Variants in UBE3A observed in about 807,000 individuals in gnomAD.
The protein encoded by UBE3A is ubiquitin-protein ligase E3A.
A neutral mutation model predicts 83.4 loss-of-function variants in UBE3A; 6 were observed. The observed-to-expected ratio is 0.07, with a 90% CI of 0.04 to 0.14. The LOEUF (loss-of-function observed/expected upper bound fraction) is 0.14, where lower values mean the gene tolerates loss of function less well. Ranked by LOEUF, UBE3A falls within the 10% of genes least tolerant of loss-of-function variation. UBE3A has a pLI of 1.00. For synonymous variants in UBE3A, 337 were observed against 355.4 expected, an observed-to-expected ratio of 0.95 and a Z score of 0.58; for missense variants, 456 against 1,036.1, an observed-to-expected ratio of 0.44 and a Z score of 7.69.
intron 5 of UBE3A, chr15:25,375,224 T>A (rs1194199127): frequency 2.0e-6 from 1 of 497,462 alleles, no homozygotes; most frequent in Non-Finnish European, 3.5e-6. Context: ...CTAAGAATTT[T>A]AAAAAGTTCA....
chr15:25,382,490 G>C lies in UBE3A; in HGVS notation c.63-6727C>G, dbSNP rs141780664. Reference sequence around the variant, plus strand: ...CAGTGTCATATTTCACAGTTAGAAAGGAAGAAAAACCTTAAATCAACAAAT... The same window carrying C: ...CAGTGTCATATTTCACAGTTAGAAACGAAGAAAAACCTTAAATCAACAAAT... On this transcript the variant is annotated intron_variant, in intron 4 of 12. Coordinates refer to ENST00000648336, the MANE Select transcript of UBE3A (RefSeq NM_130839.5). 4.2e-3 allele frequency among the ~76,000 whole-genome samples: 627 copies of C among 150,960 alleles called. 2 individuals carry two copies. Among genetic ancestry groups the C allele is most frequent in the African/African-American group, 0.014 (594 of 41,168 alleles).
chr15:25,367,229 T>C (rs1290390831), intron 6 of UBE3A, among the ~76,000 whole-genome samples: 4 of 79,694 alleles, frequency 5.0e-5, no homozygotes, highest in Non-Finnish European at 9.4e-5. Context: ...ATTTACATAT[T>C]TGTAAATATG....
chr15:25,360,309 T>G, intron 7 of UBE3A, 74 bp downstream of exon 7: 2 of 1,595,702 alleles, frequency 1.3e-6, no homozygotes, highest in Non-Finnish European at 1.7e-6. Flanking sequence ...CTGAAAATAT[T>G]TACAAAGTAA....
In UBE3A at chr15:25,339,939, G is replaced by A. The variant is rs567939609; in HGVS notation, c.2498+146C>T. 3.6e-6 allele frequency: 4 copies of A among 1,118,494 alleles called. No homozygotes were observed. In the South Asian group the frequency reaches 5.6e-5, roughly 16 times the overall value. 69.3% of individuals were successfully genotyped at this position (1,118,494 alleles called of 1,614,324 possible). On this transcript the variant is annotated intron_variant, in intron 12 of 12. Coordinates refer to ENST00000648336, the MANE Select transcript of UBE3A (RefSeq NM_130839.5). ...AGTTTCCTCACACAATGACAGCAAAGTATTTTCTCAATTGTCTAATATGAT... is the reference window on the plus strand; with the variant it reads ...AGTTTCCTCACACAATGACAGCAAAATATTTTCTCAATTGTCTAATATGAT...
intron 4 of UBE3A, among the ~76,000 whole-genome samples, chr15:25,386,198 A>G (rs2152927197): frequency 6.6e-6 from 1 of 152,264 alleles, no homozygotes; most frequent in South Asian, 2.1e-4. Context: ...TAAGCTCACT[A>G]AAAAGACTGA....
chr15:25,393,062 GT>G (rs71418041), intron 4 of UBE3A, among the ~76,000 whole-genome samples: 18,079 of 152,070 alleles, frequency 0.12, 1,150 homozygotes, highest in Middle Eastern at 0.23. Context: ...TTTTAAGCAG[GT>G]TAAGTGACTG....
At chr15:25,359,943 G>A (rs991404826) in intron 7 of UBE3A, among the ~76,000 whole-genome samples, 6 of 152,112 alleles carry the variant, frequency 3.9e-5, no homozygotes, top group Non-Finnish European at 8.8e-5. Flanking sequence ...CCTAATTAAT[G>A]TGATATCAGC....
At chr15:25,372,370 T>C (rs1425055750) in intron 5 of UBE3A, among the ~76,000 whole-genome samples, 1 of 152,210 alleles carries the variant, frequency 6.6e-6, no homozygotes, top group South Asian at 2.1e-4. Context: ...CTGTGAGTGA[T>C]TGAGAAGAAT....
intron 4 of UBE3A, among the ~76,000 whole-genome samples, chr15:25,399,553 G>C (rs1162111975): frequency 6.6e-6 from 1 of 151,812 alleles, no homozygotes; most frequent in Non-Finnish European, 1.5e-5. Flanking sequence ...TTTGTGGGTC[G>C]ATGTGTCTGT....
chr15:25,342,055 CACA>C (rs1486386984), intron 11 of UBE3A, among the ~76,000 whole-genome samples: 22 of 152,058 alleles, frequency 1.4e-4, no homozygotes, highest in Non-Finnish European at 3.1e-4. Context: ...AAAAGAAACA[CACA>C]ACAACAGAAA....
chr15:25,395,560 G>GA (rs1285918558), intron 4 of UBE3A, among the ~76,000 whole-genome samples: 1 of 152,128 alleles, frequency 6.6e-6, no homozygotes, highest in African/African-American at 2.4e-5. Context: ...CACAGGAGGG[G>GA]AAAAAAGCTG....
chr15:25,417,939 C>G (rs1887751784), intron 1 of UBE3A: 1 of 151,512 alleles, frequency 6.6e-6, no homozygotes, highest in Non-Finnish European at 1.5e-5. Flanking sequence ...AAAACCCCAA[C>G]AACTCTCAGC....
chr15:25,385,193 TAC>T (rs2082895596), intron 4 of UBE3A, among the ~76,000 whole-genome samples: 2 of 152,232 alleles, frequency 1.3e-5, no homozygotes, highest in Admixed American at 1.3e-4. Flanking sequence ...AATATTTCTA[TAC>T]CATGTATCTG....
At position 25,396,294 on chromosome 15, in the gene UBE3A, C is replaced by T. The variant is rs144833404; in HGVS notation, c.62+9167G>A. On this transcript the variant is annotated intron_variant, in intron 4 of 12. Transcript: ENST00000648336. ...ATACATACAAAGAGATTCTACAACACGGTATTTATAAATTTAAACAAAATC... is the reference window on the plus strand; with the variant it reads ...ATACATACAAAGAGATTCTACAACATGGTATTTATAAATTTAAACAAAATC... Among the ~76,000 whole-genome samples, 50 of 151,920 alleles carry T rather than the reference C, an allele frequency of 3.3e-4. No homozygotes were observed. In the East Asian group the frequency reaches 5.1e-3, roughly 15 times the overall value.
chr15:25,345,310 C>T (rs2075490947), intron 11 of UBE3A, among the ~76,000 whole-genome samples: 1 of 152,080 alleles, frequency 6.6e-6, no homozygotes, highest in Non-Finnish European at 1.5e-5. Context: ...GAATACCAAA[C>T]CCCCACCAGA....
chr15:25,341,807 C>T (rs1042266180), intron 11 of UBE3A, among the ~76,000 whole-genome samples: 2 of 146,226 alleles, frequency 1.4e-5, no homozygotes, highest in Non-Finnish European at 3.0e-5. Flanking sequence ...AAAAAAATTC[C>T]AGAATGTTAG....
intron 7 of UBE3A, among the ~76,000 whole-genome samples, chr15:25,358,386 C>CA (rs2077538810): frequency 6.6e-6 from 1 of 151,244 alleles, no homozygotes; most frequent in Admixed American, 6.6e-5. Flanking sequence ...CTCCCTCCAC[C>CA]AAAAAATAAA....
At chr15:25,380,027 C>G (rs760890370) in intron 4 of UBE3A, among the ~76,000 whole-genome samples, 19 of 152,100 alleles carry the variant, frequency 1.2e-4, no homozygotes, top group Admixed American at 1.0e-3. Context: ...GTAGGAGTGA[C>G]CCCCTGGGAG....
Position 25,355,932 on chromosome 15 carries a change from T to C in UBE3A, c.2084A>G (p.Glu695Gly), listed in dbSNP as rs537048419. The C allele has an allele frequency of 6.2e-7, 1 of 1,613,670 alleles. No individual in the cohort carries two copies. Among genetic ancestry groups the C allele is most frequent in the Non-Finnish European group, 8.5e-7 (1 of 1,179,774 alleles). ...FGNPMMYDLK[E>G]NGDKIPITNE... The stretch of plus-strand genomic sequence containing the variant: ...TGTAATTGGAATTTTATCACCATTT[T>C]CCTTTAGATCATACATCATTGGGTT... Residue 695 changes from glutamate (E) to glycine (G), a missense_variant, in exon 9 of 13, where the codon GAA (glutamate) becomes GGA (glycine). By Grantham distance (98) the Glu-to-Gly change is moderately conservative (BLOSUM62 -2). This residue lies in a region of UBE3A where 82 missense variants were observed against 199.3 expected (regional missense o/e 0.41). Transcript: ENST00000648336.
Sources: gnomAD v4.1 joint callset for allele counts (sites outside exome capture counted in the v4.1 genomes callset) on GRCh38, gnomAD v4.1.1 for gene constraint, gnomAD v4.1.1 regional missense constraint, MANE v1.5 for transcripts, NCBI Gene and HGNC (gene_info 2026-07-23, HGNC 2026-07-21) for gene names.